Variants in EFCAB6 observed in about 807,000 individuals in gnomAD.
The protein encoded by EFCAB6 is EF-hand calcium binding domain 6, also known as EF-hand calcium-binding domain-containing protein 6.
Under a neutral mutation model 169.8 loss-of-function variants are expected in EFCAB6, and 156 were observed. That is an observed-to-expected ratio of 0.92 (90% CI 0.81 to 1.05). The LOEUF is 1.05. Ranked by LOEUF, EFCAB6 falls within the 50% of genes least tolerant of loss-of-function variation. The pLI is 0.00. For missense variants in EFCAB6, 1,800 were observed against 1,829.1 expected (o/e 0.98, Z 0.29); for synonymous variants, 698 against 676.4 (o/e 1.03, Z -0.50).
intron 21 of EFCAB6, among the ~76,000 whole-genome samples, chr22:43,612,897 TAA>T (rs766200489): frequency 1.2e-4 from 15 of 120,960 alleles, no homozygotes; most frequent in Admixed American, 2.8e-4. Flanking sequence ...CCATCTCAAT[TAA>T]AAAAAAAAAA....
intron 8 of EFCAB6, among the ~76,000 whole-genome samples, chr22:43,731,069 G>A (rs1166843741): frequency 6.6e-6 from 1 of 152,146 alleles, no homozygotes; most frequent in South Asian, 2.1e-4. Context: ...GGCTGGGAAG[G>A]GAGAGGATCC....
Position 43,534,735 on chromosome 22 carries a change from C to T in EFCAB6, c.4186G>A (p.Glu1396Lys), listed in dbSNP as rs2147008046. ...QSCVLLLKAK[E>K]SSLMHRMKIQ... ...TTCATCCTGTGCATCAGTGAGCTTT[C>T]CTTTGCTTTTAGCAGGAGGACACAG... Residue 1396 changes from glutamate to lysine, a missense_variant, in exon 30 of 32, where the codon GAA becomes AAA. Coordinates refer to ENST00000262726, the MANE Select transcript of EFCAB6 (RefSeq NM_022785.4). 5.6e-6 allele frequency: 9 copies of T among 1,613,674 alleles called. No individual in the cohort carries two copies. The highest frequency in any genetic ancestry group is 7.6e-6 in the Non-Finnish European group (9 of 1,179,906).
chr22:43,762,978 C>A (rs1294944345), intron 5 of EFCAB6, among the ~76,000 whole-genome samples: 1 of 152,220 alleles, frequency 6.6e-6, no homozygotes, highest in Non-Finnish European at 1.5e-5. Context: ...CTAAAGAGAG[C>A]ACAGAGAAGT....
intron 23 of EFCAB6, among the ~76,000 whole-genome samples, 157 bp downstream of exon 23, chr22:43,599,912 C>A (rs996829831): frequency 1.3e-5 from 2 of 152,162 alleles, no homozygotes; most frequent in African/African-American, 4.8e-5. Flanking sequence ...TCTTTGACTT[C>A]GCACCAATTT....
chr22:43,627,597 G>A (rs1399262442), intron 19 of EFCAB6, among the ~76,000 whole-genome samples: 2 of 151,914 alleles, frequency 1.3e-5, no homozygotes, highest in Non-Finnish European at 1.5e-5. Flanking sequence ...GGCTCTGCCC[G>A]GGGCCAATGC....
At chr22:43,609,102 C>T (rs773322339) in intron 21 of EFCAB6, among the ~76,000 whole-genome samples, 5 of 152,156 alleles carry the variant, frequency 3.3e-5, no homozygotes, top group Middle Eastern at 3.2e-3. Context: ...TAAGCTAACA[C>T]GTGTGGTTCT....
At chr22:43,592,343 AG>A (rs1386900938) in intron 23 of EFCAB6, among the ~76,000 whole-genome samples, 1 of 152,202 alleles carries the variant, frequency 6.6e-6, no homozygotes, top group African/African-American at 2.4e-5. Context: ...ATTCCCCTAC[AG>A]GTGTACATTG....
At chr22:43,624,225 T>C (rs2054331269) in intron 20 of EFCAB6, among the ~76,000 whole-genome samples, 1 of 152,216 alleles carries the variant, frequency 6.6e-6, no homozygotes, top group South Asian at 2.1e-4. Context: ...CTTAGCTTTC[T>C]GAAGCAGTGC....
chr22:43,576,254 G>T, intron 26 of EFCAB6, 43 bp downstream of exon 26: 1 of 1,516,582 alleles, frequency 6.6e-7, no homozygotes, highest in Admixed American at 2.5e-5. Context: ...ACTAATTTTA[G>T]CTCATTTTCA....
intron 6 of EFCAB6, 93 bp from the exon 7 acceptor site, chr22:43,736,086 TATAAA>T: frequency 8.0e-7 from 1 of 1,253,388 alleles, no homozygotes; most frequent in South Asian, 1.9e-5. Context: ...TAATACTTTT[TATAAA>T]ATAAAATGTT....
chr22:43,650,829 A>G (rs569454645), intron 17 of EFCAB6, among the ~76,000 whole-genome samples: 1 of 152,246 alleles, frequency 6.6e-6, no homozygotes, highest in East Asian at 1.9e-4. Context: ...TAGCAAAAAG[A>G]CTGGCAGCAT....
At chr22:43,545,466 G>A (rs1449819223) in intron 27 of EFCAB6, among the ~76,000 whole-genome samples, 1 of 152,206 alleles carries the variant, frequency 6.6e-6, no homozygotes, top group Non-Finnish European at 1.5e-5. Context: ...TCACAAGGAA[G>A]TACAGCGAAT....
At chr22:43,777,110 G>A (rs2061665697) in intron 3 of EFCAB6, among the ~76,000 whole-genome samples, 1 of 152,180 alleles carries the variant, frequency 6.6e-6, no homozygotes, top group Non-Finnish European at 1.5e-5. Flanking sequence ...GGAGGCGTGT[G>A]AGGGGTGTTA....
At chr22:43,538,397 T>G (rs4364107) in intron 28 of EFCAB6, among the ~76,000 whole-genome samples, 147,006 of 152,214 alleles carry the variant, frequency 0.97, 71,032 homozygotes, top group East Asian at 1. Context: ...TTTTGTTTTT[T>G]TTTTTGTTTT....
intron 17 of EFCAB6, among the ~76,000 whole-genome samples, chr22:43,649,439 C>A (rs533456443): frequency 6.6e-6 from 1 of 152,146 alleles, no homozygotes; most frequent in Admixed American, 6.5e-5. Flanking sequence ...CATACACAGC[C>A]ACTAGAAATG....
At chr22:43,591,457 A>AT (rs1007560370) in intron 23 of EFCAB6, among the ~76,000 whole-genome samples, 5 of 137,884 alleles carry the variant, frequency 3.6e-5, no homozygotes, top group African/African-American at 5.6e-5. Flanking sequence ...ACTCTGTCTT[A>AT]TAAAAAAAAA....
intron 27 of EFCAB6, among the ~76,000 whole-genome samples, chr22:43,541,992 C>T (rs1407502583): frequency 1.3e-5 from 2 of 152,256 alleles, no homozygotes; most frequent in Admixed American, 6.5e-5. Context: ...AAGGTGAGGG[C>T]AATGGAAGGT....
rs372809810 is a variant in EFCAB6 at position 43,744,083 on chromosome 22, GA to G, written c.508-8091del. ...TGGATGGATGAACGGATGAATGGAT[GA>G]ATGATGAATGAATGAATGAATGAAT... On this transcript the variant is annotated intron_variant, in intron 6 of 31. Transcript: ENST00000262726. This position sits in a 1 kb window ranked among gnomAD's most constrained non-coding sequence, Gnocchi z 4.3. 4.0e-3 allele frequency among the ~76,000 whole-genome samples: 576 copies of G among 145,276 alleles called. 1 individual carries two copies. Among genetic ancestry groups the G allele is most frequent in the Middle Eastern group, 0.028 (8 of 290 alleles).
intron 20 of EFCAB6, among the ~76,000 whole-genome samples, chr22:43,623,630 T>C (rs1366655433): frequency 6.7e-6 from 1 of 149,762 alleles, no homozygotes; most frequent in East Asian, 2.0e-4. Flanking sequence ...GCGCGGTGGC[T>C]CACGCCTGTA....
Sources: allele counts gnomAD v4.1 joint callset (sites outside exome capture counted in the v4.1 genomes callset), GRCh38; gene constraint gnomAD v4.1.1; non-coding constraint Gnocchi (gnomAD v3.1); transcripts MANE v1.5; gene names NCBI Gene and HGNC (gene_info 2026-07-23, HGNC 2026-07-21).